MAD1L1: variants seen among roughly 807,000 people sequenced by gnomAD.
The protein encoded by MAD1L1 is mitotic arrest deficient 1 like 1.
MAD1L1 carries 95 observed loss-of-function variants against 96.9 expected under a neutral mutation model. The observed-to-expected ratio is 0.98, with a 90% confidence interval of 0.83 to 1.16. MAD1L1 has a LOEUF of 1.16. Among genes scored for constraint, MAD1L1 ranks in the 50% most tolerant of loss-of-function variants. The pLI is 0.00. For synonymous variants in MAD1L1, 473 were observed against 396.6 expected, an observed-to-expected ratio of 1.19 and a Z score of -2.29; for missense variants, 1,007 against 954.4, an observed-to-expected ratio of 1.06 and a Z score of -0.73.
At chr7:1,950,969 C>G (rs563119440) in intron 16 of MAD1L1, among the ~76,000 whole-genome samples, 15 of 152,372 alleles carry the variant, frequency 9.8e-5, no homozygotes, top group Non-Finnish European at 1.8e-4. Context: ...ACCCTGGGCA[C>G]GAAGCCCATG....
chr7:2,229,044 T>C (rs1222982478), intron 3 of MAD1L1, among the ~76,000 whole-genome samples: 1 of 152,170 alleles, frequency 6.6e-6, no homozygotes, highest in Non-Finnish European at 1.5e-5. Flanking sequence ...CAAGCTAGCA[T>C]TCTAATAAAC....
intron 7 of MAD1L1, among the ~76,000 whole-genome samples, chr7:2,217,272 C>G (rs1458559350): frequency 6.6e-6 from 1 of 152,216 alleles, no homozygotes; most frequent in East Asian, 1.9e-4. Flanking sequence ...AAACCACGAC[C>G]AAACCAGACG....
chr7:1,993,589 G>A (rs568171001), intron 14 of MAD1L1, among the ~76,000 whole-genome samples: 2 of 152,270 alleles, frequency 1.3e-5, no homozygotes, highest in Admixed American at 6.5e-5. Flanking sequence ...TTTTTTGGAG[G>A]AGAAGCAGGG....
At chr7:1,887,973 ATG>A (rs368161393) in intron 18 of MAD1L1, among the ~76,000 whole-genome samples, 275 of 54,724 alleles carry the variant, frequency 5.0e-3, no homozygotes, top group African/African-American at 0.023. Flanking sequence ...CTGCCTATGC[ATG>A]TGTGTGTGCA....
chr7:2,008,788 G>C (rs528335148), intron 13 of MAD1L1, among the ~76,000 whole-genome samples: 2 of 114,492 alleles, frequency 1.7e-5, no homozygotes, highest in South Asian at 3.6e-4. Flanking sequence ...GAAGGAACAC[G>C]GCTCCATCCC....
chr7:2,015,761 C>A (rs1782511853), intron 12 of MAD1L1, among the ~76,000 whole-genome samples: 1 of 152,262 alleles, frequency 6.6e-6, no homozygotes, highest in Non-Finnish European at 1.5e-5. Context: ...GCCCTCCAGA[C>A]ACCCACCCAG....
At chr7:2,087,347 C>G (rs1785970143) in intron 11 of MAD1L1, among the ~76,000 whole-genome samples, 1 of 152,124 alleles carries the variant, frequency 6.6e-6, no homozygotes, top group African/African-American at 2.4e-5. Context: ...CAAGACCAGC[C>G]TGACCAACAT....
rs561720440 is a variant in MAD1L1, at chr7:2,018,522, T to C, written c.1219-3880A>G. 4.6e-5 allele frequency among the ~76,000 whole-genome samples: 7 copies of C among 152,248 alleles called. No individual in the cohort carries two copies. In the East Asian group the frequency reaches 1.4e-3, roughly 29 times the overall value. On this transcript the variant is annotated intron_variant, in intron 12 of 18. Transcript: ENST00000265854. ...AGCCTCTGGCCATGGCCACGCCTGG[T>C]GAGGCAGGCGCCCAGCACTCCCTAA...
chr7:1,898,341 C>A lies in MAD1L1; in HGVS notation c.1857G>T (p.Lys619Asn). Residue 619 changes from lysine (K) to asparagine (N), a missense_variant, in exon 18 of 19, where the codon AAG becomes AAT. Coordinates refer to ENST00000265854, the MANE Select transcript of MAD1L1 (RefSeq NM_001013836.2). Reference protein sequence around the residue: ...ESAELKNQRLKEVFQTKIQEF... With the variant: ...ESAELKNQRLNEVFQTKIQEF... Reference sequence around the variant, plus strand: ...CCTGGATCTTGGTCTGGAAAACCTCCTTGAGCCGCTGGTTCTTCAGCTCGG... The same window carrying A: ...CCTGGATCTTGGTCTGGAAAACCTCATTGAGCCGCTGGTTCTTCAGCTCGG... 6.2e-7 allele frequency: 1 copy of A among 1,614,028 alleles called. No individual in the cohort carries two copies. Among genetic ancestry groups the A allele is most frequent in the South Asian group, 1.1e-5 (1 of 91,068 alleles).
chr7:2,161,568 C>T (rs1306293601), intron 10 of MAD1L1, among the ~76,000 whole-genome samples: 1 of 150,942 alleles, frequency 6.6e-6, no homozygotes, highest in East Asian at 2.0e-4. Flanking sequence ...GGCCGCCCAT[C>T]GTGTGGGATG....
chr7:1,844,196 G>A (rs1783454037), intron 18 of MAD1L1: 1 of 154,534 alleles, frequency 6.5e-6, no homozygotes, highest in Admixed American at 6.5e-5. Flanking sequence ...GCTCCCCGGG[G>A]ACCTGACGAG....
At chr7:2,222,517 A>AGCAT (rs1288686512) in intron 5 of MAD1L1, 58 bp downstream of exon 5, 5 of 1,457,516 alleles carry the variant, frequency 3.4e-6, no homozygotes, top group Admixed American at 2.3e-5. Flanking sequence ...GGCAAACAAG[A>AGCAT]GCATGCACTC....
chr7:1,982,642 G>A (rs1259837639), intron 14 of MAD1L1, among the ~76,000 whole-genome samples: 4 of 152,214 alleles, frequency 2.6e-5, no homozygotes, highest in Non-Finnish European at 5.9e-5. Flanking sequence ...CAGCAGCAAA[G>A]AGGGACGATT....
At position 2,230,550 on chromosome 7, in the gene MAD1L1, C is replaced by T. The variant is rs1341416526; in HGVS notation, c.-12G>A. On this transcript the variant is annotated splice_region_variant and 5_prime_UTR_variant, in exon 2 of 19. Transcript: ENST00000265854. ...GCTTTATTGGGGAAACTGACTCACG[C>T]GATTACAGAGACTGTCCCACAACAG... 2 of 181,604 alleles carry T rather than the reference C, an allele frequency of 1.1e-5. No homozygotes were observed. The highest frequency in any genetic ancestry group is 1.3e-4 in the East Asian group (1 of 7,414). 11.2% of individuals were successfully genotyped at this position (181,604 alleles called of 1,614,324 possible).
chr7:1,949,203 CTCTGAGCCTCGA>C (rs1478344605), intron 16 of MAD1L1, among the ~76,000 whole-genome samples: 1 of 152,222 alleles, frequency 6.6e-6, no homozygotes, highest in African/African-American at 2.4e-5. Flanking sequence ...CTAGCTTGCT[CTCTGAGCCTCGA>C]TCTGCTGTCT....
At chr7:2,074,997 G>C (rs1785308402) in intron 11 of MAD1L1, among the ~76,000 whole-genome samples, 1 of 152,222 alleles carries the variant, frequency 6.6e-6, no homozygotes, top group South Asian at 2.1e-4. Context: ...AAGGTCACAA[G>C]AGGACGAGCA....
intron 4 of MAD1L1, 36 bp downstream of exon 4, chr7:2,225,374 G>C: frequency 6.2e-7 from 1 of 1,608,442 alleles, no homozygotes; most frequent in Non-Finnish European, 8.5e-7. Flanking sequence ...GCTTCCTGGG[G>C]CTGTCTGGGC....
intron 12 of MAD1L1, among the ~76,000 whole-genome samples, chr7:2,045,945 A>ACCACAGGCCG (rs1783899788): frequency 6.6e-6 from 1 of 152,184 alleles, no homozygotes; most frequent in Admixed American, 6.5e-5. Flanking sequence ...CGTCCCCTGC[A>ACCACAGGCCG]CCACAGGCCG....
chr7:2,040,776 A>G (rs1284739953), intron 12 of MAD1L1, among the ~76,000 whole-genome samples: 1 of 152,180 alleles, frequency 6.6e-6, no homozygotes, highest in East Asian at 1.9e-4. Context: ...GAGGCTCACT[A>G]TGCTCATTCC....
Sources: gnomAD v4.1 joint callset for allele counts (sites outside exome capture counted in the v4.1 genomes callset) on GRCh38, gnomAD v4.1.1 for gene constraint, MANE v1.5 for transcripts, NCBI Gene and HGNC (gene_info 2026-07-23, HGNC 2026-07-21) for gene names.